The following PLEKHH2 variants were observed in gnomAD, a reference collection of about 807,000 sequenced individuals.
PLEKHH2 encodes the protein pleckstrin homology domain-containing family H member 2.
In PLEKHH2, 129 loss-of-function variants were observed where a neutral mutation model predicts 187.9. That is an observed-to-expected ratio of 0.69 (90% CI 0.59 to 0.79). The LOEUF (loss-of-function observed/expected upper bound fraction) is 0.79, where lower values mean the gene tolerates loss of function less well. Ranked by LOEUF, PLEKHH2 falls within the 30% of genes least tolerant of loss-of-function variation. PLEKHH2 has a pLI of 0.00. For missense variants in PLEKHH2, 2,076 were observed against 1,751.2 expected, an observed-to-expected ratio of 1.19 and a Z score of -3.31; for synonymous variants, 686 against 605.6, an observed-to-expected ratio of 1.13 and a Z score of -1.95.
At chr2:43,674,134 A>C (rs1667614581) in intron 2 of PLEKHH2, among the ~76,000 whole-genome samples, 1 of 152,234 alleles carries the variant, frequency 6.6e-6, no homozygotes, top group Admixed American at 6.5e-5. Flanking sequence ...TTAGTTATGT[A>C]ACAGTGAAGC....
intron 15 of PLEKHH2, among the ~76,000 whole-genome samples, chr2:43,712,665 G>T (rs1439132554): frequency 6.6e-6 from 1 of 152,158 alleles, no homozygotes; most frequent in African/African-American, 2.4e-5. Flanking sequence ...TTTGAAACAT[G>T]TGAAAACTGG....
At chr2:43,718,765 A>G (rs1173447697) in intron 15 of PLEKHH2, among the ~76,000 whole-genome samples, 1 of 152,194 alleles carries the variant, frequency 6.6e-6, no homozygotes, top group African/African-American at 2.4e-5. Flanking sequence ...AGAAGAAAAG[A>G]AAAAAACACC....
At chr2:43,724,650 C>G (rs568675824) in intron 16 of PLEKHH2, among the ~76,000 whole-genome samples, 1 of 152,312 alleles carries the variant, frequency 6.6e-6, no homozygotes, top group South Asian at 2.1e-4. Flanking sequence ...TCCTCCTTTA[C>G]TGGCATTTGG....
intron 24 of PLEKHH2, among the ~76,000 whole-genome samples, chr2:43,749,336 G>C (rs1671914398): frequency 6.6e-6 from 1 of 152,112 alleles, no homozygotes; most frequent in Admixed American, 6.6e-5. Flanking sequence ...TTCACTTCAA[G>C]TTGTTCTGCC....
chr2:43,722,421 A>C (rs1670525950), intron 16 of PLEKHH2, among the ~76,000 whole-genome samples: 1 of 152,158 alleles, frequency 6.6e-6, no homozygotes, highest in African/African-American at 2.4e-5. Context: ...TGGCCAAAGG[A>C]CTGAAGGCAG....
intron 20 of PLEKHH2, 161 bp from the exon 21 acceptor site, chr2:43,740,785 G>T: frequency 1.8e-5 from 23 of 1,268,954 alleles, no homozygotes; most frequent in Non-Finnish European, 2.1e-5. Context: ...AGAGTTTTTT[G>T]TTTTTAACCT....
At chr2:43,682,918 G>T (rs1668278254) in intron 3 of PLEKHH2, among the ~76,000 whole-genome samples, 1 of 149,428 alleles carries the variant, frequency 6.7e-6, no homozygotes, top group South Asian at 2.1e-4. Flanking sequence ...TCCTCATTAT[G>T]GCTGAATAAT....
intron 3 of PLEKHH2, chr2:43,680,931 C>A: frequency 1.3e-6 from 1 of 775,010 alleles, no homozygotes; most frequent in Non-Finnish European, 2.0e-6. Context: ...TCCAGGGCCA[C>A]TTTAGTTGCA....
At chr2:43,711,893 CA>C (rs58170865) in intron 14 of PLEKHH2, 54,868 of 818,016 alleles carry the variant, frequency 0.067, 979 homozygotes, top group African/African-American at 0.27. Context: ...GACTCTGTCT[CA>C]AAAAAAAAAA....
chr2:43,751,110 G>A (rs1169674843), intron 24 of PLEKHH2, among the ~76,000 whole-genome samples: 1 of 152,228 alleles, frequency 6.6e-6, no homozygotes, highest in African/African-American at 2.4e-5. Flanking sequence ...CTCTAGGGTT[G>A]TCTGAAGGAT....
chr2:43,699,652 G>C lies in PLEKHH2; in HGVS notation c.694G>C (p.Glu232Gln). The C allele has an allele frequency of 6.8e-6, 11 of 1,609,772 alleles. No homozygotes were observed. Among genetic ancestry groups the C allele is most frequent in the Non-Finnish European group, 9.3e-6 (11 of 1,177,942 alleles). Residue 232 changes from glutamate (E) to glutamine (Q), a missense_variant, in exon 8 of 30, where the codon GAA becomes CAA. Physicochemically the swap from Glu to Gln is conservative, Grantham distance 29. Transcript: ENST00000282406. ...TATGATGTATCCTTTTCTAGAAATGGAAATTCCAGAAAAGTCTGTTGATAA... is the reference window on the plus strand; with the variant it reads ...TATGATGTATCCTTTTCTAGAAATGCAAATTCCAGAAAAGTCTGTTGATAA... ...FTEGKDMEEM[E>Q]IPEKSVDNQV...
At chr2:43,748,122 C>G (rs1671853324) in intron 24 of PLEKHH2, among the ~76,000 whole-genome samples, 1 of 152,152 alleles carries the variant, frequency 6.6e-6, no homozygotes, top group African/African-American at 2.4e-5. Context: ...AAAGGGCCAC[C>G]CAGTATTTGA....
At position 43,765,491 on chromosome 2, in the gene PLEKHH2, G is replaced by A. The variant is rs143850155; in HGVS notation, c.4375G>A (p.Ala1459Thr). Reference sequence around the variant, plus strand: ...AAAGGCAGCATTTCACCACCTCTCTGCTCCAGCACTGCTCTCAGCCCAGAC... The same window carrying A: ...AAAGGCAGCATTTCACCACCTCTCTACTCCAGCACTGCTCTCAGCCCAGAC... ...QQKAAFHHLS[A>T]PALLSAQTRG... The change falls in exon 30 of 30, where the codon GCT (alanine) becomes ACT (threonine). Residue 1459 changes from alanine to threonine, a missense_variant. Ala to Thr is a moderately conservative substitution (Grantham distance 58). Transcript: ENST00000282406. The A allele has an allele frequency of 3.3e-5, 54 of 1,613,918 alleles. No individual in the cohort carries two copies. The African/African-American group carries it at 6.8e-4, about 20-fold the overall frequency.
chr2:43,722,949 A>G (rs1248099643), intron 16 of PLEKHH2, among the ~76,000 whole-genome samples: 1 of 152,212 alleles, frequency 6.6e-6, no homozygotes, highest in Non-Finnish European at 1.5e-5. Context: ...TTTGCTATAA[A>G]TATTTCCAAA....
At chr2:43,697,917 C>T (rs1669166553) in intron 7 of PLEKHH2, among the ~76,000 whole-genome samples, 4 of 152,034 alleles carry the variant, frequency 2.6e-5, no homozygotes, top group Admixed American at 2.6e-4. Flanking sequence ...GTCCTGTATA[C>T]AGATTTCTAC....
Position 43,678,914 on chromosome 2 carries a change from G to A in PLEKHH2, c.175G>A (p.Ala59Thr), listed in dbSNP as rs761772507. 1.9e-6 allele frequency: 3 copies of A among 1,608,276 alleles called. No homozygotes were observed. The highest frequency in any genetic ancestry group is 2.6e-6 in the Non-Finnish European group (3 of 1,176,184). ...TGATGCTGAACGTCAAGCAGAAAAA[G>A]CTTTTCAACAGGTAGAGTATAATTT... is the stretch of plus-strand genomic sequence containing the variant. Reference protein sequence around the residue: ...VIDAERQAEKAFQQVQVMEDK... With the variant: ...VIDAERQAEKTFQQVQVMEDK... Residue 59 changes from alanine (A) to threonine (T), a missense_variant, in exon 3 of 30, where the codon GCT (alanine) becomes ACT (threonine). Ala to Thr is a moderately conservative substitution (Grantham distance 58, BLOSUM62 0). Transcript: ENST00000282406.
At chr2:43,666,463 C>A (rs12991195) in intron 2 of PLEKHH2, among the ~76,000 whole-genome samples, 1 of 148,152 alleles carries the variant, frequency 6.7e-6, no homozygotes, top group Admixed American at 6.6e-5. Flanking sequence ...AGCTGTAGAC[C>A]GGAGCTGTTC....
rs778239987 is a variant in PLEKHH2, at chr2:43,707,408, C to A, written c.1829C>A (p.Thr610Asn). The A allele has an allele frequency of 6.2e-7, 1 of 1,613,910 alleles. No homozygotes were observed. Among genetic ancestry groups the A allele is most frequent in the East Asian group, 2.2e-5 (1 of 44,866 alleles). Reference protein sequence around the residue: ...PVYTTLKGKATQISSSPFLDD... With the variant: ...PVYTTLKGKANQISSSPFLDD... ...TGTTCCACTTTTCTTTAGAAGGCGA[C>A]CCAAATAAGTAGCAGCCCTTTCCTG... The change falls in exon 11 of 30, where the codon ACC becomes AAC. Residue 610 changes from threonine to asparagine, a missense_variant. Thr to Asn is a moderately conservative substitution (Grantham distance 65). Transcript: ENST00000282406.
intron 17 of PLEKHH2, among the ~76,000 whole-genome samples, chr2:43,726,905 T>A (rs528537720): frequency 4.6e-5 from 7 of 151,464 alleles, no homozygotes; most frequent in Admixed American, 1.3e-4. Context: ...TCAATACATA[T>A]GATTATGTAT....
Sources: allele counts gnomAD v4.1 joint callset (sites outside exome capture counted in the v4.1 genomes callset), GRCh38; gene constraint gnomAD v4.1.1; transcripts MANE v1.5; gene names NCBI Gene and HGNC (gene_info 2026-07-23, HGNC 2026-07-21).